PEBP4: variants seen among roughly 807,000 people sequenced by gnomAD.
The protein encoded by PEBP4 is phosphatidylethanolamine binding protein 4.
PEBP4 carries 22 observed loss-of-function variants against 23.9 expected under a neutral mutation model. The ratio of observed to expected loss-of-function variants is 0.92; its 90% CI spans 0.66 to 1.31. PEBP4 has a LOEUF of 1.31. Ranked by LOEUF, PEBP4 falls within the 40% of genes most tolerant of loss-of-function variation. The pLI is 0.00. For missense variants in PEBP4, 324 were observed against 281.7 expected (o/e 1.15, Z -1.07); for synonymous variants, 112 against 99.3 (o/e 1.13, Z -0.76).
At chr8:22,824,837 A>T (rs1364791531) in intron 3 of PEBP4, among the ~76,000 whole-genome samples, 2 of 152,152 alleles carry the variant, frequency 1.3e-5, no homozygotes, top group African/African-American at 4.8e-5. Flanking sequence ...AATGATGGGG[A>T]GTGGCTGTAA....
Position 22,727,213 on chromosome 8 carries a change from T to C in PEBP4, c.365A>G (p.Asp122Gly), listed in dbSNP as rs1804636936. The change falls in exon 5 of 7, where the codon GAC (aspartate) becomes GGC (glycine). Residue 122 changes from aspartate to glycine, a missense_variant. By Grantham distance (94) the Asp-to-Gly change is moderately conservative. Transcript: ENST00000256404. ...GCCCTGAATCTTCCCTTTCTTCAGG[T>C]CGGCGCCCTGAAAGAAGAGACAAGC... is the stretch of plus-strand genomic sequence containing the variant. ...HWLVTDIKGA[D>G]LKKGKIQGQE... is the part of the protein sequence containing the mutation. The C allele has an allele frequency of 5.6e-6, 9 of 1,613,822 alleles. No individual in the cohort carries two copies. Among genetic ancestry groups the C allele is most frequent in the Non-Finnish European group, 7.6e-6 (9 of 1,179,940 alleles).
intron 5 of PEBP4, among the ~76,000 whole-genome samples, chr8:22,725,329 T>G (rs896051129): frequency 7.2e-5 from 11 of 151,906 alleles, no homozygotes; most frequent in Middle Eastern, 3.2e-3. Context: ...CCTCTGTGAG[T>G]GTGTTTGGCA....
rs59947380 is a variant in PEBP4, at chr8:22,810,995, C to T, written c.357+6642G>A. ...TCTATACACGCTTGCCATAAACCAA[C>T]GAAAAAGCTTTGTTTACAATATTCC... is the stretch of plus-strand genomic sequence containing the variant. On this transcript the variant is annotated intron_variant, in intron 4 of 6. Transcript: ENST00000256404. Among the ~76,000 whole-genome samples the T allele has an allele frequency of 6.6e-4, 100 of 151,916 alleles. No homozygotes were observed. The East Asian group carries it at 7.2e-3, about 11-fold the overall frequency.
At chr8:22,741,215 C>T (rs904974970) in intron 4 of PEBP4, among the ~76,000 whole-genome samples, 3 of 152,210 alleles carry the variant, frequency 2.0e-5, no homozygotes, top group Admixed American at 6.5e-5. Context: ...CCCAAGCCAG[C>T]TGCCATCTCT....
chr8:22,753,778 G>A (rs1425719870), intron 4 of PEBP4, among the ~76,000 whole-genome samples: 3 of 152,198 alleles, frequency 2.0e-5, no homozygotes, highest in Non-Finnish European at 4.4e-5. Context: ...TGAATCTCAG[G>A]ACCAGACTTC....
chr8:22,874,093 G>A (rs1249825034), intron 3 of PEBP4, among the ~76,000 whole-genome samples: 2 of 152,108 alleles, frequency 1.3e-5, no homozygotes, highest in Non-Finnish European at 2.9e-5. Context: ...TCCCGCAGCT[G>A]GGGCCTTGGG....
intron 6 of PEBP4, among the ~76,000 whole-genome samples, chr8:22,714,434 T>C (rs1470465785): frequency 1.3e-5 from 2 of 151,952 alleles, no homozygotes; most frequent in East Asian, 3.8e-4. Flanking sequence ...GCAAATCGCT[T>C]GTTGGTGTGA....
At chr8:22,850,638 G>A (rs1255261235) in intron 3 of PEBP4, among the ~76,000 whole-genome samples, 2 of 152,212 alleles carry the variant, frequency 1.3e-5, no homozygotes, top group Non-Finnish European at 2.9e-5. Flanking sequence ...TGTGGAACCT[G>A]CCATTTGTGA....
chr8:22,834,522 G>A (rs1048184674), intron 3 of PEBP4, among the ~76,000 whole-genome samples: 1 of 152,200 alleles, frequency 6.6e-6, no homozygotes, highest in Admixed American at 6.5e-5. Context: ...TTGAGAAAGA[G>A]GTATTGTGCA....
At chr8:22,940,655 A>AT (rs925817941) in intron 1 of PEBP4, among the ~76,000 whole-genome samples, 7 of 151,702 alleles carry the variant, frequency 4.6e-5, no homozygotes, top group Admixed American at 1.3e-4. Context: ...CGCCTGGTTA[A>AT]TTTTTTTGTA....
intron 4 of PEBP4, among the ~76,000 whole-genome samples, chr8:22,737,353 C>T (rs1021050226): frequency 6.6e-6 from 1 of 151,910 alleles, no homozygotes; most frequent in African/African-American, 2.4e-5. Flanking sequence ...CTTCCACCTG[C>T]CCCAGCCTCC....
intron 3 of PEBP4, among the ~76,000 whole-genome samples, chr8:22,910,357 G>T (rs373066504): frequency 1.3e-5 from 2 of 152,256 alleles, no homozygotes; most frequent in African/African-American, 4.8e-5. Context: ...ATCACGGCAC[G>T]CATCTCCCTG....
chr8:22,849,393 G>A (rs183294500), intron 3 of PEBP4, among the ~76,000 whole-genome samples: 144 of 152,330 alleles, frequency 9.5e-4, no homozygotes, highest in African/African-American at 3.2e-3. Context: ...GAAGTGGGGC[G>A]TCCCACTGCA....
intron 4 of PEBP4, among the ~76,000 whole-genome samples, chr8:22,780,024 C>T (rs1410879084): frequency 6.6e-6 from 1 of 151,752 alleles, no homozygotes; most frequent in Admixed American, 6.6e-5. Flanking sequence ...TCACGGCTCA[C>T]TGCAACCTCT....
In PEBP4 at chr8:22,773,192, G is replaced by A. The variant is rs375259007; in HGVS notation, c.357+44445C>T. Among the ~76,000 whole-genome samples the A allele has an allele frequency of 1.1e-3, 174 of 152,316 alleles. 1 individual carries two copies. Among genetic ancestry groups the A allele is most frequent in the African/African-American group, 4.0e-3 (166 of 41,572 alleles). On this transcript the variant is annotated intron_variant, in intron 4 of 6. Coordinates refer to ENST00000256404, the MANE Select transcript of PEBP4 (RefSeq NM_144962.3). ...AGCACTAATTGGTTTTCCTCTGGCT[G>A]TTTGAATTAGTATTTAAAGCTCCAA...
chr8:22,835,378 T>C (rs1807180410), intron 3 of PEBP4, among the ~76,000 whole-genome samples: 1 of 152,184 alleles, frequency 6.6e-6, no homozygotes, highest in Admixed American at 6.5e-5. Context: ...CCGGAAGACT[T>C]CCTCCAAATG....
At chr8:22,807,141 G>A (rs534150159) in intron 4 of PEBP4, among the ~76,000 whole-genome samples, 81 of 152,246 alleles carry the variant, frequency 5.3e-4, no homozygotes, top group South Asian at 1.9e-3. Context: ...GCTCTTTCTG[G>A]ACCTTGGAGG....
intron 3 of PEBP4, among the ~76,000 whole-genome samples, chr8:22,875,894 A>G (rs1235967952): frequency 6.6e-6 from 1 of 152,018 alleles, no homozygotes; most frequent in African/African-American, 2.4e-5. Flanking sequence ...TAGCTTCAAG[A>G]TTCTGCTCAG....
chr8:22,860,684 C>T (rs770518376), intron 3 of PEBP4, among the ~76,000 whole-genome samples: 13 of 152,216 alleles, frequency 8.5e-5, no homozygotes, highest in Non-Finnish European at 1.8e-4. Context: ...ACCCAGGATA[C>T]GTACTCCGTG....
Sources: allele counts gnomAD v4.1 joint callset (sites outside exome capture counted in the v4.1 genomes callset), GRCh38; gene constraint gnomAD v4.1.1; transcripts MANE v1.5; gene names NCBI Gene and HGNC (gene_info 2026-07-23, HGNC 2026-07-21).